OTUB2: variants seen among roughly 807,000 people sequenced by gnomAD.
The protein encoded by OTUB2 is OTU deubiquitinase, ubiquitin aldehyde binding 2, also known as ubiquitin thioesterase OTUB2.
Under a neutral mutation model 25.1 loss-of-function variants are expected in OTUB2, and 21 were observed. The observed-to-expected ratio is 0.84, with a 90% confidence interval of 0.59 to 1.21. OTUB2 has a LOEUF of 1.21. Among genes scored for constraint, OTUB2 ranks in the 50% most tolerant of loss-of-function variants. The probability of loss-of-function intolerance (pLI) is 0.00; values close to 1 mark genes in which losing one functional copy is unlikely to be tolerated. For missense variants in OTUB2, 283 were observed against 298.0 expected (o/e 0.95, Z 0.37); for synonymous variants, 122 against 122.8 (o/e 0.99, Z 0.04).
Position 94,033,362 on chromosome 14 carries a change from C to T in OTUB2, c.4-4018C>T, listed in dbSNP as rs563562759. Among the ~76,000 whole-genome samples, 4 of 152,268 alleles carry T rather than the reference C, an allele frequency of 2.6e-5. No individual in the cohort carries two copies. In the East Asian group the frequency reaches 7.7e-4, roughly 29 times the overall value. ...GTTCCTAATCCACCTTTAAATATTC[C>T]TCATTTTAACTGTTGATGGCAGTTT... On this transcript the variant is annotated intron_variant, in intron 1 of 5. Transcript: ENST00000203664.
At chr14:94,026,787 A>G (rs917685363) in intron 1 of OTUB2, among the ~76,000 whole-genome samples, 5 of 152,040 alleles carry the variant, frequency 3.3e-5, no homozygotes, top group South Asian at 2.1e-4. Context: ...CCCCGCCCCC[A>G]GCGTGTCCGC....
chr14:94,041,658 C>G (rs1885164104), intron 3 of OTUB2, among the ~76,000 whole-genome samples: 1 of 152,164 alleles, frequency 6.6e-6, no homozygotes, highest in South Asian at 2.1e-4. Flanking sequence ...GCCCTCCACA[C>G]CAGGCCCCTG....
intron 5 of OTUB2, among the ~76,000 whole-genome samples, chr14:94,045,402 C>G (rs1885252093): frequency 6.6e-6 from 1 of 152,128 alleles, no homozygotes; most frequent in Admixed American, 6.5e-5. Context: ...TGATGCCCAA[C>G]CTGAAAAATG....
At chr14:94,030,819 A>G (rs60715053) in intron 1 of OTUB2, among the ~76,000 whole-genome samples, 39,391 of 147,390 alleles carry the variant, frequency 0.27, 6,668 homozygotes, top group African/African-American at 0.48. Context: ...AGTGATGGGG[A>G]GGGTGGGGGC....
intron 1 of OTUB2, among the ~76,000 whole-genome samples, chr14:94,032,863 T>C (rs1884988324): frequency 6.6e-6 from 1 of 152,076 alleles, no homozygotes; most frequent in Non-Finnish European, 1.5e-5. Context: ...CAGTGTGTCC[T>C]GAAGGTGTGG....
At position 94,026,546 on chromosome 14, in the gene OTUB2, T is replaced by C. The variant is rs1326537143; in HGVS notation, c.3+6T>C. On this transcript the variant is annotated splice_donor_region_variant and intron_variant, in intron 1 of 5. Coordinates refer to ENST00000203664, the MANE Select transcript of OTUB2 (RefSeq NM_023112.4). ...TGGCGGCTCTGGTCACTATGGTCAG[T>C]GATCGTGGGGGATCGCGAAGGGGGA... The C allele has an allele frequency of 8.0e-6, 10 of 1,246,132 alleles. No homozygotes were observed. Among genetic ancestry groups the C allele is most frequent in the Non-Finnish European group, 6.1e-6 (6 of 990,572 alleles). The allele number at this position is 1,246,132 out of a possible 1,614,324, so 77.2% of individuals were successfully genotyped here.
chr14:94,032,583 T>C (rs8022950), intron 1 of OTUB2, among the ~76,000 whole-genome samples: 70,493 of 151,780 alleles, frequency 0.46, 16,600 homozygotes, highest in African/African-American at 0.54. Flanking sequence ...CAGTTTGGGA[T>C]GATTAAAAGC....
At chr14:94,040,192 A>G (rs925839893) in intron 3 of OTUB2, among the ~76,000 whole-genome samples, 2 of 152,210 alleles carry the variant, frequency 1.3e-5, no homozygotes, top group African/African-American at 4.8e-5. Flanking sequence ...GATGATCTCA[A>G]AGAGGGTAGA....
intron 1 of OTUB2, among the ~76,000 whole-genome samples, chr14:94,034,530 T>C (rs1457520352): frequency 6.6e-6 from 1 of 152,254 alleles, no homozygotes; most frequent in East Asian, 1.9e-4. Context: ...ACAGGGCACC[T>C]GACCTTGTCA....
At chr14:94,041,248 G>A (rs1444263532) in intron 3 of OTUB2, among the ~76,000 whole-genome samples, 1 of 152,180 alleles carries the variant, frequency 6.6e-6, no homozygotes, top group Non-Finnish European at 1.5e-5. Context: ...TGGAGAAGCC[G>A]TTTGCTGCAA....
In OTUB2 at chr14:94,046,020, G is replaced by A; in HGVS notation, c.*98G>A. 7.3e-7 allele frequency: 1 copy of A among 1,360,812 alleles called. No individual in the cohort carries two copies. The allele number at this position is 1,360,812 out of a possible 1,614,324, so 84.3% of individuals were successfully genotyped here. A position where few individuals can be genotyped will look rare whatever the true frequency, so the allele number is the denominator to read the frequency against. ...AATTTTTTAAGCAATTTAGACTGTAGCAAGAAAATGTGCAGCCTTTTGGGC... is the reference window on the plus strand; with the variant it reads ...AATTTTTTAAGCAATTTAGACTGTAACAAGAAAATGTGCAGCCTTTTGGGC... On this transcript the variant is annotated 3_prime_UTR_variant, in exon 6 of 6. Coordinates refer to ENST00000203664, the MANE Select transcript of OTUB2 (RefSeq NM_023112.4).
chr14:94,042,569 G>C (rs563806753), intron 3 of OTUB2, among the ~76,000 whole-genome samples: 2 of 152,290 alleles, frequency 1.3e-5, no homozygotes, highest in East Asian at 3.9e-4. Context: ...GCTAGAAGAG[G>C]GTGCCGGCCC....
rs190733496 is a variant in OTUB2, at chr14:94,028,071, C to A, written c.3+1531C>A. ...TTGTGCCATGCAGTGAGGCCGCTCA[C>A]TCTGCTCCCTATCTGCCCTGACTCA... On this transcript the variant is annotated intron_variant, in intron 1 of 5. Transcript: ENST00000203664. 1.1e-3 allele frequency among the ~76,000 whole-genome samples: 173 copies of A among 152,358 alleles called. 2 individuals are homozygous for A. The highest frequency in any genetic ancestry group is 7.6e-4 in the Non-Finnish European group (52 of 68,022).
chr14:94,038,841 G>A (rs1366731052), intron 2 of OTUB2, 122 bp from the exon 3 acceptor site: 2 of 860,228 alleles, frequency 2.3e-6, no homozygotes, highest in Non-Finnish European at 2.0e-6. Context: ...GGGGATAGCA[G>A]CCTGAAGGGA....
intron 1 of OTUB2, among the ~76,000 whole-genome samples, chr14:94,032,549 GA>G (rs60116716): frequency 5.3e-5 from 8 of 151,596 alleles, no homozygotes; most frequent in Admixed American, 1.3e-4. Context: ...GTACACGGAA[GA>G]AAAAAAATGG....
chr14:94,031,790 A>T (rs1884967839), intron 1 of OTUB2, among the ~76,000 whole-genome samples: 1 of 152,242 alleles, frequency 6.6e-6, no homozygotes, highest in East Asian at 1.9e-4. Flanking sequence ...TCTGTTTCCA[A>T]GCCACAGTGC....
At chr14:94,039,638 AC>A (rs931062590) in intron 3 of OTUB2, among the ~76,000 whole-genome samples, 1 of 151,730 alleles carries the variant, frequency 6.6e-6, no homozygotes, top group Non-Finnish European at 1.5e-5. Context: ...AGACAAACAA[AC>A]CCCTGAGACC....
intron 1 of OTUB2, among the ~76,000 whole-genome samples, chr14:94,030,522 A>C (rs193263703): frequency 1.8e-4 from 27 of 152,008 alleles, no homozygotes; most frequent in Admixed American, 4.6e-4. Context: ...ATAAGATAAG[A>C]GGGAAGGCCC....
At chr14:94,035,861 C>T (rs1885046498) in intron 1 of OTUB2, among the ~76,000 whole-genome samples, 1 of 152,142 alleles carries the variant, frequency 6.6e-6, no homozygotes, top group Non-Finnish European at 1.5e-5. Context: ...TGGAAGATGG[C>T]AGACAGTATG....
Sources: allele counts gnomAD v4.1 joint callset (sites outside exome capture counted in the v4.1 genomes callset), GRCh38; gene constraint gnomAD v4.1.1; transcripts MANE v1.5; gene names NCBI Gene and HGNC (gene_info 2026-07-23, HGNC 2026-07-21).